Variants in ORC1 observed in about 807,000 individuals in gnomAD.
ORC1 encodes origin recognition complex, subunit 1 homolog.
In ORC1, 61 loss-of-function variants were observed where a neutral mutation model predicts 98.9. The observed-to-expected ratio is 0.62, with a 90% CI of 0.50 to 0.76. ORC1 has a LOEUF of 0.76. Ranked by LOEUF, ORC1 falls within the 30% of genes least tolerant of loss-of-function variation. ORC1 has a pLI of 0.00. For synonymous variants in ORC1, 385 were observed against 406.9 expected (o/e 0.95, Z 0.65); for missense variants, 979 against 1,072.2 (o/e 0.91, Z 1.21).
chr1:52,383,583 G>GGA lies in ORC1; in HGVS notation c.1864-16_1864-15dup. The stretch of plus-strand genomic sequence containing the variant: ...CAGAAGGTCGAGCTGCCAGGGCAAA[G>GGA]GAGAGAGGTGCAGAGTCAATCACAG... On this transcript the variant is annotated splice_polypyrimidine_tract_variant and intron_variant, in intron 12 of 16. Coordinates refer to ENST00000371568, the MANE Select transcript of ORC1 (RefSeq NM_004153.4). 1.2e-6 allele frequency: 2 copies of GGA among 1,614,014 alleles called. No individual in the cohort carries two copies. The highest frequency in any genetic ancestry group is 1.7e-6 in the Non-Finnish European group (2 of 1,179,978).
At chr1:52,386,446 C>A (rs1480654644) in intron 8 of ORC1, among the ~76,000 whole-genome samples, 3 of 152,150 alleles carry the variant, frequency 2.0e-5, no homozygotes, top group Non-Finnish European at 4.4e-5. Context: ...CCACTCCAAA[C>A]CCCCAGGTCA....
At position 52,402,219 on chromosome 1, in the gene ORC1, G is replaced by A. The variant is rs1348967000; in HGVS notation, c.5C>T (p.Ala2Val). 6 of 1,613,790 alleles carry A rather than the reference G, an allele frequency of 3.7e-6. No individual in the cohort carries two copies. The highest frequency in any genetic ancestry group is 1.7e-5 in the Admixed American group (1 of 60,006). The change falls in exon 2 of 17, where the codon GCA (alanine) becomes GTA (valine). Residue 2 changes from alanine to valine, a missense_variant. Physicochemically the swap from Ala to Val is moderately conservative, Grantham distance 64. Coordinates refer to ENST00000371568, the MANE Select transcript of ORC1 (RefSeq NM_004153.4). ...GGTCTTCAGCCTTGTGGGGTAGTGT[G>A]CCATGGCTTCTGTGGAAGAGTCCAA... Reference protein sequence around the residue: MAHYPTRLKTRK... With the variant: MVHYPTRLKTRK...
intron 16 of ORC1, among the ~76,000 whole-genome samples, chr1:52,374,050 T>G (rs1050672723): frequency 6.6e-6 from 1 of 152,312 alleles, no homozygotes; most frequent in East Asian, 1.9e-4. Context: ...GGAACAGGGA[T>G]GTTAACCAAA....
chr1:52,389,384 C>T (rs901040517), intron 6 of ORC1, 63 bp from the exon 7 acceptor site: 2 of 1,158,796 alleles, frequency 1.7e-6, no homozygotes, highest in South Asian at 2.4e-5. Context: ...ACAAAAGGCA[C>T]TAGAAGATAG....
chr1:52,383,607 A>C (rs761394538), intron 12 of ORC1, 38 bp from the exon 13 acceptor site: 1 of 1,611,866 alleles, frequency 6.2e-7, no homozygotes, highest in Non-Finnish European at 8.5e-7. Flanking sequence ...AGTCAATCAC[A>C]GAGACTGAGC....
chr1:52,383,486 G>A lies in ORC1; in HGVS notation c.1947C>T (p.Val649=), dbSNP rs1254145392. 1.9e-6 allele frequency: 3 copies of A among 1,613,490 alleles called. No homozygotes were observed. Among genetic ancestry groups the A allele is most frequent in the Non-Finnish European group, 2.5e-6 (3 of 1,180,006 alleles). ...GGTCCATTGTGTTGGCAATTGCCAGGACCACAAGCCGGGCCTCCTTATGAG... is the reference window on the plus strand; with the variant it reads ...GGTCCATTGTGTTGGCAATTGCCAGAACCACAAGCCGGGCCTCCTTATGAG... ...WPTHKEARLV[V]LAIANTMDLP... The change falls in exon 13 of 17, where the codon GTC becomes GTT. Residue 649 remains valine, a synonymous_variant. Coordinates refer to ENST00000371568, the MANE Select transcript of ORC1 (RefSeq NM_004153.4).
At position 52,397,819 on chromosome 1, in the gene ORC1, C is replaced by T. The variant is rs1219110795; in HGVS notation, c.268G>A (p.Val90Ile). ...PKKRARVQWF[V>I]RFCEVPACKR... ...CAGGCAGGGACTTCACAGAATCGGA[C>T]AAACCACTGTACTCGAGCACGTTTC... Residue 90 changes from valine to isoleucine, a missense_variant, in exon 4 of 17, where the codon GTC becomes ATC. Coordinates refer to ENST00000371568, the MANE Select transcript of ORC1 (RefSeq NM_004153.4). 6.2e-7 allele frequency: 1 copy of T among 1,614,104 alleles called. No individual in the cohort carries two copies. The highest frequency in any genetic ancestry group is 8.5e-7 in the Non-Finnish European group (1 of 1,180,058).
rs1282472695 is a variant in ORC1 at position 52,383,942 on chromosome 1, A to G, written c.1756-5T>C. On this transcript the variant is annotated splice_polypyrimidine_tract_variant and splice_region_variant and intron_variant, in intron 11 of 16. Coordinates refer to ENST00000371568, the MANE Select transcript of ORC1 (RefSeq NM_004153.4). ...TGCTTTTTGGCCTGTTAGCTTCTGCATTAGGAGAAACACAGTTGTGAGGAA... is the reference window on the plus strand; with the variant it reads ...TGCTTTTTGGCCTGTTAGCTTCTGCGTTAGGAGAAACACAGTTGTGAGGAA... The G allele has an allele frequency of 1.2e-6, 2 of 1,612,636 alleles. No homozygotes were observed. Among genetic ancestry groups the G allele is most frequent in the Admixed American group, 1.7e-5 (1 of 60,022 alleles).
chr1:52,383,572 G>T lies in ORC1; in HGVS notation c.1864-3C>A. 1.2e-6 allele frequency: 2 copies of T among 1,614,064 alleles called. No homozygotes were observed. The highest frequency in any genetic ancestry group is 4.5e-5 in the East Asian group (2 of 44,886). On this transcript the variant is annotated splice_polypyrimidine_tract_variant and splice_region_variant and intron_variant, in intron 12 of 16. Transcript: ENST00000371568. The stretch of plus-strand genomic sequence containing the variant: ...TTGTGAGTCCACAGAAGGTCGAGCT[G>T]CCAGGGCAAAGGAGAGAGGTGCAGA...
At chr1:52,385,821 C>T (rs1270029232) in intron 9 of ORC1, 31 bp downstream of exon 9, 7 of 1,487,680 alleles carry the variant, frequency 4.7e-6, no homozygotes, top group Non-Finnish European at 6.6e-6. Flanking sequence ...TGGTTCCTGC[C>T]TCTCTGAAGG....
chr1:52,375,419 G>C lies in ORC1; in HGVS notation c.2303+11C>G, dbSNP rs1163972054. ...GCCTTCCAGGAAGGCTCAGGAAGTG[G>C]AGCATCTTACTTGATGGCCGTGATG... On this transcript the variant is annotated intron_variant, in intron 15 of 16. Transcript: ENST00000371568. 1 of 1,613,594 alleles carries C rather than the reference G, an allele frequency of 6.2e-7. No individual in the cohort carries two copies. The highest frequency in any genetic ancestry group is 8.5e-7 in the Non-Finnish European group (1 of 1,179,564).
intron 6 of ORC1, among the ~76,000 whole-genome samples, chr1:52,391,834 G>A (rs2147935009): frequency 6.6e-6 from 1 of 151,322 alleles, no homozygotes; most frequent in East Asian, 2.0e-4. Context: ...GGAGGCAAAG[G>A]TTGTAGTGAG....
Position 52,374,846 on chromosome 1 carries a change from G to C in ORC1, c.2355C>G (p.Phe785Leu). Reference sequence around the variant, plus strand: ...TGGCTTCCTCCAGTCCTGATCGACGGAACTCTGCGAGGATGGCTCTCAGGA... The same window carrying C: ...TGGCTTCCTCCAGTCCTGATCGACGCAACTCTGCGAGGATGGCTCTCAGGA... ...QSFLRAILAE[F>L]RRSGLEEATF... Residue 785 changes from phenylalanine to leucine, a missense_variant, in exon 16 of 17, where the codon TTC becomes TTG. Transcript: ENST00000371568. The C allele has an allele frequency of 5.6e-6, 9 of 1,613,910 alleles. No homozygotes were observed. The highest frequency in any genetic ancestry group is 6.8e-6 in the Non-Finnish European group (8 of 1,179,806).
intron 3 of ORC1, among the ~76,000 whole-genome samples, chr1:52,399,502 T>C (rs1647590656): frequency 6.6e-6 from 1 of 151,518 alleles, no homozygotes; most frequent in Non-Finnish European, 1.5e-5. Flanking sequence ...CGGGTGCCTG[T>C]AGTCTCAGCT....
chr1:52,382,545 C>T (rs931577367), intron 13 of ORC1, among the ~76,000 whole-genome samples: 6 of 151,160 alleles, frequency 4.0e-5, no homozygotes, highest in Non-Finnish European at 5.9e-5. Context: ...GCACCTAACA[C>T]TGCCTGGCAG....
In ORC1 at chr1:52,401,444, G is replaced by T. The variant is rs1449457287; in HGVS notation, c.141C>A (p.Ile47=). 6.2e-7 allele frequency: 1 copy of T among 1,613,974 alleles called. No homozygotes were observed. The highest frequency in any genetic ancestry group is 8.5e-7 in the Non-Finnish European group (1 of 1,179,926). The part of the protein sequence containing the change: ...KTEGCSTEIH[I]QIGQFVLIEG... ...CAATCAACACAAACTGTCCAATCTG[G>T]ATGTGAATCTCGGTGGAACAACCTT... Residue 47 remains isoleucine, a synonymous_variant, in exon 3 of 17, where the codon ATC becomes ATA. Transcript: ENST00000371568.
At chr1:52,385,128 C>T (rs754744486) in intron 10 of ORC1, 33 bp downstream of exon 10, 1 of 1,413,332 alleles carries the variant, frequency 7.1e-7, no homozygotes, top group Admixed American at 1.7e-5. Flanking sequence ...GGCCTTATTC[C>T]CCAAACTACC....
chr1:52,398,073 G>A (rs576845789), intron 3 of ORC1, among the ~76,000 whole-genome samples: 3 of 147,590 alleles, frequency 2.0e-5, no homozygotes, highest in African/African-American at 7.6e-5. Context: ...AAGTGATTCT[G>A]CTGCCTCAGC....
Position 52,384,550 on chromosome 1 carries a change from C to T in ORC1, c.1755G>A (p.Gln585=). The change falls in exon 11 of 17, where the codon CAG becomes CAA. Residue 585 remains glutamine, a splice_region_variant and synonymous_variant. Coordinates refer to ENST00000371568, the MANE Select transcript of ORC1 (RefSeq NM_004153.4). ...EPHQVYVQIL[Q]KLTGQKATAN... ...AAAAAGCCTAAACAGCTCTGCTTAC[C>T]TGCAAGATTTGCACATAGACTTGGT... is the stretch of plus-strand genomic sequence containing the variant. 6.2e-7 allele frequency: 1 copy of T among 1,613,932 alleles called. No individual in the cohort carries two copies. Among genetic ancestry groups the T allele is most frequent in the South Asian group, 1.1e-5 (1 of 91,076 alleles).
Sources: gnomAD v4.1 joint callset for allele counts (sites outside exome capture counted in the v4.1 genomes callset) on GRCh38, gnomAD v4.1.1 for gene constraint, MANE v1.5 for transcripts, NCBI Gene and HGNC (gene_info 2026-07-23, HGNC 2026-07-21) for gene names.